RUSC1: variants seen among roughly 807,000 people sequenced by gnomAD.
RUSC1 encodes RUN and SH3 domain containing 1, also known as AP-4 complex accessory subunit RUSC1.
RUSC1 carries 40 observed loss-of-function variants against 72.1 expected under a neutral mutation model. The ratio of observed to expected loss-of-function variants is 0.55; its 90% CI spans 0.43 to 0.72. RUSC1 has a LOEUF of 0.72. RUSC1 is among the 30% of genes least tolerant of loss of function. The probability of loss-of-function intolerance (pLI) is 0.00; values close to 1 mark genes in which losing one functional copy is unlikely to be tolerated. For synonymous variants in RUSC1, 512 were observed against 494.2 expected, an observed-to-expected ratio of 1.04 and a Z score of -0.48; for missense variants, 1,092 against 1,172.3, an observed-to-expected ratio of 0.93 and a Z score of 1.00.
Position 155,322,927 on chromosome 1 carries a change from T to C in RUSC1, c.1154T>C (p.Val385Ala). ...CGAAGCCGGGCCCCAGCCCCGCCAG[T>C]CCCGCCTCGAGACCCCCCAGTTGGC... The part of the protein sequence containing the change: ...RSRSRAPAPP[V>A]PPRDPPVGWA... Residue 385 changes from valine to alanine, a missense_variant, in exon 2 of 10, where the codon GTC becomes GCC. By Grantham distance (64) the Val-to-Ala change is moderately conservative. Coordinates refer to ENST00000368352, the MANE Select transcript of RUSC1 (RefSeq NM_001105203.2). The C allele has an allele frequency of 6.3e-7, 1 of 1,598,364 alleles. No individual in the cohort carries two copies.
Position 155,321,748 on chromosome 1 carries a change from G to A in RUSC1, c.-26G>A. On this transcript the variant is annotated 5_prime_UTR_variant, in exon 2 of 10. Coordinates refer to ENST00000368352, the MANE Select transcript of RUSC1 (RefSeq NM_001105203.2). ...GAGACCCTACCCTTCTGGTTCTCTA[G>A]AAGCCATCCCATCGCCGCTAGCATC... is the stretch of plus-strand genomic sequence containing the variant. The A allele has an allele frequency of 6.2e-7, 1 of 1,613,446 alleles. No individual in the cohort carries two copies. Among genetic ancestry groups the A allele is most frequent in the Non-Finnish European group, 8.5e-7 (1 of 1,179,700 alleles).
chr1:155,322,008 C>A lies in RUSC1; in HGVS notation c.235C>A (p.Pro79Thr). ...CTGCCGGTGCTGCCAGGAGCACGGT[C>A]CGGGCCTAGAAAACCGGCAGGACCC... ...VPCRCCQEHG[P>T]GLENRQDPSQ... Residue 79 changes from proline (P) to threonine (T), a missense_variant, in exon 2 of 10, where the codon CCG (proline) becomes ACG (threonine). By Grantham distance (38) the Pro-to-Thr change is conservative. Coordinates refer to ENST00000368352, the MANE Select transcript of RUSC1 (RefSeq NM_001105203.2). The A allele has an allele frequency of 6.2e-7, 1 of 1,606,742 alleles. No individual in the cohort carries two copies. Among genetic ancestry groups the A allele is most frequent in the Non-Finnish European group, 8.5e-7 (1 of 1,175,970 alleles).
chr1:155,323,993 G>C (rs1650942136), intron 2 of RUSC1: 1 of 1,024,000 alleles, frequency 9.8e-7, no homozygotes. Context: ...CCTAGTGCTG[G>C]AGGGGGAAGT....
Position 155,323,089 on chromosome 1 carries a change from C to T in RUSC1, c.1316C>T (p.Ala439Val), listed in dbSNP as rs886756134. 7.0e-5 allele frequency: 100 copies of T among 1,426,152 alleles called. No homozygotes were observed. Among genetic ancestry groups the T allele is most frequent in the Non-Finnish European group, 8.2e-5 (90 of 1,094,352 alleles). 88.3% of individuals were successfully genotyped at this position (1,426,152 alleles called of 1,614,324 possible). The change falls in exon 2 of 10, where the codon GCC becomes GTC. Residue 439 changes from alanine to valine, a missense_variant. Coordinates refer to ENST00000368352, the MANE Select transcript of RUSC1 (RefSeq NM_001105203.2). ...GTCAGCCCAGCGGCTGGCGAGGAGG[C>T]CCCAGCCGCGAAGGAGCCGGGCGCG... ...RAVSPAAGEE[A>V]PAAKEPGAQA...
chr1:155,324,331 C>T, intron 2 of RUSC1: 1 of 1,593,480 alleles, frequency 6.3e-7, no homozygotes, highest in Non-Finnish European at 8.5e-7. Context: ...CCGGGTTTCC[C>T]CTTTCCGGCG....
chr1:155,329,093 A>G (rs536053225), intron 9 of RUSC1, among the ~76,000 whole-genome samples: 8 of 151,406 alleles, frequency 5.3e-5, no homozygotes, highest in Admixed American at 3.3e-4. Flanking sequence ...GAGACTAAAC[A>G]TAATTTTTTT....
At position 155,324,833 on chromosome 1, in the gene RUSC1, C is replaced by G. The variant is rs1651119579; in HGVS notation, c.1358-12C>G. 5 of 1,614,128 alleles carry G rather than the reference C, an allele frequency of 3.1e-6. No individual in the cohort carries two copies. In the South Asian group the frequency reaches 4.4e-5, roughly 14 times the overall value. ...TGGTAAGTGTTACCGCGCCCTTCTT[C>G]CCTTACGCCAGTCCGTAGTTCGTGG... On this transcript the variant is annotated splice_polypyrimidine_tract_variant and intron_variant, in intron 2 of 9. Coordinates refer to ENST00000368352, the MANE Select transcript of RUSC1 (RefSeq NM_001105203.2).
chr1:155,323,837 G>A, intron 2 of RUSC1: 1 of 852,346 alleles, frequency 1.2e-6, no homozygotes, highest in South Asian at 5.3e-5. Context: ...GGCTAGCCCC[G>A]CGGGCCACGC....
rs1204353703 is a variant in RUSC1 at position 155,322,169 on chromosome 1, C to T, written c.396C>T (p.Ala132=). 1.9e-6 allele frequency: 3 copies of T among 1,600,542 alleles called. No homozygotes were observed. The highest frequency in any genetic ancestry group is 2.6e-6 in the Non-Finnish European group (3 of 1,171,320). The part of the protein sequence containing the change: ...YLRDLPGDED[A]HPQPSIIPLE... ...GGGACCTCCCTGGTGATGAGGATGC[C>T]CACCCTCAGCCCAGTATCATCCCCC... The change falls in exon 2 of 10, where the codon GCC becomes GCT. Residue 132 remains alanine (A), a synonymous_variant. Coordinates refer to ENST00000368352, the MANE Select transcript of RUSC1 (RefSeq NM_001105203.2).
At chr1:155,324,128 C>T (rs1570894455) in intron 2 of RUSC1, 1 of 1,265,882 alleles carries the variant, frequency 7.9e-7, no homozygotes, top group Non-Finnish European at 1.0e-6. Flanking sequence ...TTGTTAGGGG[C>T]TTTGGGTCAC....
At chr1:155,324,643 G>A in intron 2 of RUSC1, 1 of 1,520,306 alleles carries the variant, frequency 6.6e-7, no homozygotes, top group Non-Finnish European at 8.8e-7. Flanking sequence ...CTGGGGGACA[G>A]CGAGTGCTGG....
chr1:155,325,077 G>A lies in RUSC1; in HGVS notation c.1457-25G>A, dbSNP rs755605590. 10 of 1,614,016 alleles carry A rather than the reference G, an allele frequency of 6.2e-6. No homozygotes were observed. Among genetic ancestry groups the A allele is most frequent in the Admixed American group, 5.0e-5 (3 of 60,002 alleles). On this transcript the variant is annotated intron_variant, in intron 3 of 9. Coordinates refer to ENST00000368352, the MANE Select transcript of RUSC1 (RefSeq NM_001105203.2). The surrounding 1 kb of genome is among the most constrained non-coding windows in gnomAD (Gnocchi z 6.5). ...CTGGGTAGGGGCGCGGCCTCCTAGC[G>A]TCTTCCCTTTCCCACTCCTCCCAGG...
intron 8 of RUSC1, among the ~76,000 whole-genome samples, chr1:155,327,600 C>T (rs1651557447): frequency 6.6e-6 from 1 of 152,140 alleles, no homozygotes; most frequent in South Asian, 2.1e-4. Context: ...GAAAAACAGC[C>T]TGGGCAACAT....
At chr1:155,328,805 C>T (rs569871983) in intron 9 of RUSC1, among the ~76,000 whole-genome samples, 12 of 151,962 alleles carry the variant, frequency 7.9e-5, no homozygotes, top group Non-Finnish European at 1.3e-4. Context: ...TCACCATGTT[C>T]GCCGGGATGG....
At position 155,331,034 on chromosome 1, in the gene RUSC1, G is replaced by A. The variant is rs534720376; in HGVS notation, c.*463G>A. 6 of 156,232 alleles carry A rather than the reference G, an allele frequency of 3.8e-5. No homozygotes were observed. In the South Asian group the frequency reaches 5.7e-4, roughly 15 times the overall value. The allele number at this position is 156,232 out of a possible 1,614,324, so 9.7% of individuals were successfully genotyped here. Reference sequence around the variant, plus strand: ...CACTCATGCTGTACTAGGTGCTGAAGCCTGGACACCCTTGGTGGGTGGGCC... The same window carrying A: ...CACTCATGCTGTACTAGGTGCTGAAACCTGGACACCCTTGGTGGGTGGGCC... On this transcript the variant is annotated 3_prime_UTR_variant, in exon 10 of 10. Coordinates refer to ENST00000368352, the MANE Select transcript of RUSC1 (RefSeq NM_001105203.2).
Position 155,325,001 on chromosome 1 carries a change from C to T in RUSC1, c.1456+58C>T. The stretch of plus-strand genomic sequence containing the variant: ...CGAATAAACTGCCCTTCGCCCCCGG[C>T]CCTGCTCTCAGGCTGTCCGAAGGCA... On this transcript the variant is annotated intron_variant, in intron 3 of 9. Transcript: ENST00000368352. The surrounding 1 kb of genome is among the most constrained non-coding windows in gnomAD (Gnocchi z 6.5). 3.7e-6 allele frequency: 6 copies of T among 1,613,834 alleles called. No individual in the cohort carries two copies. Among genetic ancestry groups the T allele is most frequent in the Non-Finnish European group, 3.4e-6 (4 of 1,179,738 alleles).
chr1:155,322,054 C>A lies in RUSC1; in HGVS notation c.281C>A (p.Ala94Asp). 6.2e-7 allele frequency: 1 copy of A among 1,613,508 alleles called. No individual in the cohort carries two copies. Among genetic ancestry groups the A allele is most frequent in the Non-Finnish European group, 8.5e-7 (1 of 1,179,642 alleles). The change falls in exon 2 of 10, where the codon GCT becomes GAT. Residue 94 changes from alanine to aspartate, a missense_variant. By Grantham distance (126) the Ala-to-Asp change is moderately radical. Transcript: ENST00000368352. ...RQDPSQEEEG[A>D]ASPSDPGCSS... Reference sequence around the variant, plus strand: ...GACCCGTCACAGGAGGAAGAGGGGGCTGCCTCTCCCTCAGACCCAGGCTGC... The same window carrying A: ...GACCCGTCACAGGAGGAAGAGGGGGATGCCTCTCCCTCAGACCCAGGCTGC...
chr1:155,325,212 G>C lies in RUSC1; in HGVS notation c.1533+34G>C, dbSNP rs12087231. ...GGCTGGGGGGAGGCTGTTGGGATGA[G>C]GAGAGTAATGGAGCTCCGCGGGGGG... is the stretch of plus-strand genomic sequence containing the variant. On this transcript the variant is annotated intron_variant, in intron 4 of 9. Coordinates refer to ENST00000368352, the MANE Select transcript of RUSC1 (RefSeq NM_001105203.2). The surrounding 1 kb of genome is among the most constrained non-coding windows in gnomAD (Gnocchi z 6.5). 5,780 of 1,613,940 alleles carry C rather than the reference G, an allele frequency of 3.6e-3. 187 individuals carry two copies. In the African/African-American group the frequency reaches 0.066, roughly 19 times the overall value.
chr1:155,328,438 ATT>A (rs111541385), intron 9 of RUSC1, among the ~76,000 whole-genome samples, 163 bp downstream of exon 9: 3 of 141,958 alleles, frequency 2.1e-5, no homozygotes, highest in Non-Finnish European at 3.1e-5. Context: ...TGAGCCTTGG[ATT>A]TTTTTTTTTT....
Sources: allele counts gnomAD v4.1 joint callset (sites outside exome capture counted in the v4.1 genomes callset), GRCh38; gene constraint gnomAD v4.1.1; non-coding constraint Gnocchi (gnomAD v3.1); transcripts MANE v1.5; gene names NCBI Gene and HGNC (gene_info 2026-07-23, HGNC 2026-07-21).